The following SPOCK1 variants were observed in gnomAD, a reference collection of about 807,000 sequenced individuals.
The protein encoded by SPOCK1 is SPARC (osteonectin), cwcv and kazal like domains proteoglycan 1.
SPOCK1 carries 23 observed loss-of-function variants against 55.3 expected under a neutral mutation model. The ratio of observed to expected loss-of-function variants is 0.42; its 90% CI spans 0.30 to 0.59. The LOEUF is 0.59. Among genes scored for constraint, SPOCK1 ranks in the 20% least tolerant of loss-of-function variants. The pLI, the probability that SPOCK1 is intolerant of heterozygous loss-of-function variation, is 0.22. For missense variants in SPOCK1, 499 were observed against 552.5 expected, an observed-to-expected ratio of 0.90 and a Z score of 0.97; for synonymous variants, 226 against 221.0, an observed-to-expected ratio of 1.02 and a Z score of -0.20.
intron 3 of SPOCK1, among the ~76,000 whole-genome samples, chr5:137,201,120 A>G (rs1437071402): frequency 1.3e-5 from 2 of 152,262 alleles, no homozygotes; most frequent in Non-Finnish European, 2.9e-5. Flanking sequence ...AGGGAAAGGC[A>G]TCAGCAAGAC....
chr5:137,129,413 T>G (rs961844502), intron 4 of SPOCK1, among the ~76,000 whole-genome samples: 1 of 151,386 alleles, frequency 6.6e-6, no homozygotes, highest in Non-Finnish European at 1.5e-5. Context: ...AGAAAAAGAG[T>G]TTAATGCGGA....
At chr5:137,120,686 A>C (rs1429124818) in intron 4 of SPOCK1, among the ~76,000 whole-genome samples, 2 of 152,152 alleles carry the variant, frequency 1.3e-5, no homozygotes, top group African/African-American at 4.8e-5. Context: ...CTGCTTTGTT[A>C]CTCTATATGC....
intron 2 of SPOCK1, among the ~76,000 whole-genome samples, chr5:137,359,488 TA>T (rs1378160339): frequency 6.6e-6 from 1 of 152,218 alleles, no homozygotes; most frequent in African/African-American, 2.4e-5. Context: ...AGCTTCCATT[TA>T]TTGAGTATCT....
intron 5 of SPOCK1, among the ~76,000 whole-genome samples, chr5:137,097,445 T>G (rs1412133360): frequency 6.6e-6 from 1 of 152,142 alleles, no homozygotes; most frequent in Non-Finnish European, 1.5e-5. Context: ...GCCTGATAAC[T>G]ATTCCCAAGC....
chr5:137,127,184 A>G (rs547341797), intron 4 of SPOCK1, among the ~76,000 whole-genome samples: 1 of 152,352 alleles, frequency 6.6e-6, no homozygotes. Flanking sequence ...GCCAAGAGCT[A>G]TCATCAAAGA....
intron 9 of SPOCK1, among the ~76,000 whole-genome samples, chr5:136,983,647 C>A (rs1462948701): frequency 7.0e-6 from 1 of 143,376 alleles, no homozygotes; most frequent in African/African-American, 2.5e-5. Context: ...GGGCTGAGGC[C>A]CTGGGTTGGT....
chr5:137,235,878 G>A (rs927126273), intron 3 of SPOCK1, among the ~76,000 whole-genome samples: 3 of 152,196 alleles, frequency 2.0e-5, no homozygotes, highest in Non-Finnish European at 4.4e-5. Flanking sequence ...TGTGGGGGGT[G>A]TATACATGAA....
Position 136,977,691 on chromosome 5 carries a change from G to C in SPOCK1, c.*963C>G, listed in dbSNP as rs77643951. On this transcript the variant is annotated 3_prime_UTR_variant, in exon 11 of 11. Transcript: ENST00000394945. Reference sequence around the variant, plus strand: ...GATGGCTTGTGAAGCTGCCCGTGTCGTGTGGGAGTCGCATGGCTTCTGCGA... The same window carrying C: ...GATGGCTTGTGAAGCTGCCCGTGTCCTGTGGGAGTCGCATGGCTTCTGCGA... 2.6e-4 allele frequency: 103 copies of C among 397,916 alleles called. No homozygotes were observed. The highest frequency in any genetic ancestry group is 2.2e-5 in the Non-Finnish European group (5 of 225,706). 24.6% of individuals were successfully genotyped at this position (397,916 alleles called of 1,614,324 possible). A position where few individuals can be genotyped will look rare whatever the true frequency, so the allele number is the denominator to read the frequency against.
At chr5:137,293,969 A>C (rs1320073698) in intron 2 of SPOCK1, among the ~76,000 whole-genome samples, 2 of 152,212 alleles carry the variant, frequency 1.3e-5, no homozygotes, top group African/African-American at 4.8e-5. Context: ...GTGAGCCGAG[A>C]TAGCACTGCA....
intron 5 of SPOCK1, among the ~76,000 whole-genome samples, chr5:137,075,511 CTT>C (rs1752740117): frequency 6.6e-6 from 1 of 152,236 alleles, no homozygotes; most frequent in Non-Finnish European, 1.5e-5. Context: ...ACAAAATTCT[CTT>C]GATTGATATC....
intron 9 of SPOCK1, among the ~76,000 whole-genome samples, chr5:136,983,228 C>T (rs190559517): frequency 4.1e-4 from 63 of 152,224 alleles, no homozygotes; most frequent in African/African-American, 1.5e-3. Context: ...GGAACAATCC[C>T]AGAATAAAAG....
chr5:137,276,789 T>G (rs1205102206), intron 2 of SPOCK1, among the ~76,000 whole-genome samples: 2 of 151,968 alleles, frequency 1.3e-5, no homozygotes, highest in Non-Finnish European at 2.9e-5. Flanking sequence ...CTCAGAGGGA[T>G]CAACCAGGCT....
At position 137,323,288 on chromosome 5, in the gene SPOCK1, AT is replaced by A. The variant is rs1198347640; in HGVS notation, c.187-56234del. Among the ~76,000 whole-genome samples, 7 of 152,316 alleles carry A rather than the reference AT, an allele frequency of 4.6e-5. No homozygotes were observed. In the East Asian group the frequency reaches 1.3e-3, roughly 29 times the overall value. ...AAATGAGACTATTTGCTTATTTTAGATTTTAGGACACACACAGGATGGAAGT... is the reference window on the plus strand; with the variant it reads ...AAATGAGACTATTTGCTTATTTTAGATTTAGGACACACACAGGATGGAAGT... On this transcript the variant is annotated intron_variant, in intron 2 of 10. Transcript: ENST00000394945.
At chr5:137,207,293 C>T (rs880042) in intron 3 of SPOCK1, among the ~76,000 whole-genome samples, 60,310 of 152,172 alleles carry the variant, frequency 0.4, 13,116 homozygotes, top group Non-Finnish European at 0.48. Flanking sequence ...ACAGGCCCAC[C>T]AGCAGGGAGC....
At chr5:137,153,191 C>T (rs1318394646) in intron 3 of SPOCK1, among the ~76,000 whole-genome samples, 2 of 152,196 alleles carry the variant, frequency 1.3e-5, no homozygotes, top group Non-Finnish European at 2.9e-5. Flanking sequence ...TCCCAAGTCC[C>T]CTGACATGTG....
At chr5:137,233,813 A>C (rs1561479475) in intron 3 of SPOCK1, among the ~76,000 whole-genome samples, 1 of 151,192 alleles carries the variant, frequency 6.6e-6, no homozygotes, top group Non-Finnish European at 1.5e-5. Flanking sequence ...CCTTTAAAAA[A>C]AATTTCTTGG....
At position 137,474,460 on chromosome 5, in the gene SPOCK1, T is replaced by C. The variant is rs115486548; in HGVS notation, c.186+23913A>G. ...AGTATCGATAAGAGCTCATAATTTA[T>C]AGCATTCCTGCCTCTGTGCATTTAA... is the stretch of plus-strand genomic sequence containing the variant. On this transcript the variant is annotated intron_variant, in intron 2 of 10. Coordinates refer to ENST00000394945, the MANE Select transcript of SPOCK1 (RefSeq NM_004598.4). 7.2e-3 allele frequency among the ~76,000 whole-genome samples: 1,100 copies of C among 152,318 alleles called. 9 individuals are homozygous for C. Among genetic ancestry groups the C allele is most frequent in the African/African-American group, 0.025 (1,041 of 41,566 alleles).
At position 136,988,876 on chromosome 5, in the gene SPOCK1, G is replaced by A. The variant is rs1750895031; in HGVS notation, c.707-233C>T. Reference sequence around the variant, plus strand: ...CATTTGAGGAAAATATGTTCTAAAGGGGAAAAATCCCCAATGTTAACATAT... The same window carrying A: ...CATTTGAGGAAAATATGTTCTAAAGAGGAAAAATCCCCAATGTTAACATAT... On this transcript the variant is annotated intron_variant, in intron 7 of 10. Transcript: ENST00000394945. 7 of 425,102 alleles carry A rather than the reference G, an allele frequency of 1.6e-5. No individual in the cohort carries two copies. The South Asian group carries it at 4.0e-4, about 24-fold the overall frequency. The allele number at this position is 425,102 out of a possible 1,614,324, so 26.3% of individuals were successfully genotyped here.
intron 2 of SPOCK1, among the ~76,000 whole-genome samples, chr5:137,489,683 G>A (rs1293302149): frequency 6.6e-6 from 1 of 152,226 alleles, no homozygotes; most frequent in African/African-American, 2.4e-5. Flanking sequence ...CCCCAAATGT[G>A]TGTTAAGTTG....
Sources: gnomAD v4.1 joint callset for allele counts (sites outside exome capture counted in the v4.1 genomes callset) on GRCh38, gnomAD v4.1.1 for gene constraint, MANE v1.5 for transcripts, NCBI Gene and HGNC (gene_info 2026-07-23, HGNC 2026-07-21) for gene names.